ERBB4: variants seen among roughly 807,000 people sequenced by gnomAD.
The protein encoded by ERBB4 is erb-b2 receptor tyrosine kinase 4.
In ERBB4, 42 loss-of-function variants were observed where a neutral mutation model predicts 158.0. The ratio of observed to expected loss-of-function variants is 0.27; its 90% CI spans 0.21 to 0.34. The LOEUF (loss-of-function observed/expected upper bound fraction) is 0.34, where lower values mean the gene tolerates loss of function less well. ERBB4 is among the 10% of genes least tolerant of loss of function. The probability of loss-of-function intolerance (pLI) is 1.00; values close to 1 mark genes in which losing one functional copy is unlikely to be tolerated. For missense variants in ERBB4, 1,333 were observed against 1,624.1 expected, an observed-to-expected ratio of 0.82 and a Z score of 3.08; for synonymous variants, 583 against 558.7, an observed-to-expected ratio of 1.04 and a Z score of -0.61.
At chr2:212,308,363 T>A (rs747479970) in intron 1 of ERBB4, among the ~76,000 whole-genome samples, 1 of 151,234 alleles carries the variant, frequency 6.6e-6, no homozygotes, top group Middle Eastern at 3.4e-3. Context: ...CACTTCATAT[T>A]ATTTAGATAC....
chr2:211,953,198 G>A (rs2080924937), intron 2 of ERBB4, among the ~76,000 whole-genome samples: 1 of 151,872 alleles, frequency 6.6e-6, no homozygotes, highest in Admixed American at 6.6e-5. Context: ...AAACAATTAT[G>A]AATTATGTCC....
At chr2:212,457,664 A>C (rs1163190074) in intron 1 of ERBB4, among the ~76,000 whole-genome samples, 1 of 152,096 alleles carries the variant, frequency 6.6e-6, no homozygotes, top group Non-Finnish European at 1.5e-5. Flanking sequence ...AACATTGTTT[A>C]AGCAACTCAG....
At chr2:211,710,454 A>G (rs2073654722) in intron 9 of ERBB4, among the ~76,000 whole-genome samples, 1 of 152,138 alleles carries the variant, frequency 6.6e-6, no homozygotes, top group African/African-American at 2.4e-5. Flanking sequence ...GCACCTAAAT[A>G]TTGTCCCAGG....
intron 2 of ERBB4, among the ~76,000 whole-genome samples, chr2:212,108,274 C>A (rs1027658570): frequency 1.3e-5 from 2 of 152,086 alleles, no homozygotes; most frequent in African/African-American, 2.4e-5. Flanking sequence ...TCAAACACTT[C>A]CCCTGTTATC....
intron 2 of ERBB4, among the ~76,000 whole-genome samples, chr2:212,026,419 C>T (rs960018935): frequency 6.6e-6 from 1 of 151,664 alleles, no homozygotes; most frequent in African/African-American, 2.4e-5. Context: ...ATACCAGAAC[C>T]TCTATAACTA....
At chr2:212,041,814 T>C (rs894461743) in intron 2 of ERBB4, among the ~76,000 whole-genome samples, 2 of 152,086 alleles carry the variant, frequency 1.3e-5, no homozygotes, top group Non-Finnish European at 2.9e-5. Flanking sequence ...AGTTGAACAA[T>C]ACGTTAATTA....
intron 20 of ERBB4, among the ~76,000 whole-genome samples, chr2:211,477,224 T>C (rs1475209160): frequency 9.9e-5 from 15 of 152,074 alleles, no homozygotes; most frequent in Admixed American, 9.8e-4. Flanking sequence ...TCCCTTGGAC[T>C]CCAGCCTGCC....
chr2:211,621,671 A>G (rs2125852108), intron 18 of ERBB4, among the ~76,000 whole-genome samples: 1 of 152,332 alleles, frequency 6.6e-6, no homozygotes, highest in South Asian at 2.1e-4. Context: ...AGACCACATT[A>G]TCTTTAAAAA....
chr2:211,577,349 G>A (rs142440736), intron 19 of ERBB4, among the ~76,000 whole-genome samples: 71 of 152,182 alleles, frequency 4.7e-4, no homozygotes, highest in African/African-American at 1.6e-3. Context: ...AAGCAAAATG[G>A]GGATTTCCTA....
chr2:211,706,550 G>A (rs1224411584), intron 9 of ERBB4, among the ~76,000 whole-genome samples: 1 of 147,658 alleles, frequency 6.8e-6, no homozygotes, highest in Non-Finnish European at 1.5e-5. Context: ...CCTGAACTTG[G>A]TTCATCAGCA....
intron 2 of ERBB4, among the ~76,000 whole-genome samples, chr2:211,968,323 T>C (rs2081358025): frequency 6.6e-6 from 1 of 152,042 alleles, no homozygotes; most frequent in East Asian, 1.9e-4. Flanking sequence ...TTCTGGATAG[T>C]GAAGCAAATG....
intron 1 of ERBB4, among the ~76,000 whole-genome samples, chr2:212,280,701 A>T (rs1574587984): frequency 6.6e-6 from 1 of 151,706 alleles, no homozygotes. Flanking sequence ...AGATTCCAGA[A>T]TAATGAAATC....
intron 13 of ERBB4, among the ~76,000 whole-genome samples, chr2:211,675,030 C>T (rs1173234110): frequency 6.6e-6 from 1 of 152,106 alleles, no homozygotes; most frequent in Non-Finnish European, 1.5e-5. Flanking sequence ...ATTTTTCCTG[C>T]TCTCAGAAAA....
intron 1 of ERBB4, among the ~76,000 whole-genome samples, chr2:212,451,603 C>A (rs181191569): frequency 1.8e-4 from 28 of 152,282 alleles, no homozygotes; most frequent in Admixed American, 1.5e-3. Flanking sequence ...AATTGACACA[C>A]ACCTAGTTTA....
chr2:212,377,611 G>C (rs1440253182), intron 1 of ERBB4, among the ~76,000 whole-genome samples: 1 of 151,932 alleles, frequency 6.6e-6, no homozygotes, highest in Non-Finnish European at 1.5e-5. Context: ...ACCTTGAACA[G>C]AGCTTCCAGG....
chr2:211,672,040 A>T (rs75605652), intron 14 of ERBB4, among the ~76,000 whole-genome samples: 3,268 of 152,178 alleles, frequency 0.021, 117 homozygotes, highest in African/African-American at 0.075. Flanking sequence ...CAAGCTAATC[A>T]TCCTTGTGGT....
intron 2 of ERBB4, among the ~76,000 whole-genome samples, chr2:212,013,339 T>C (rs912506799): frequency 6.6e-6 from 1 of 152,150 alleles, no homozygotes; most frequent in Non-Finnish European, 1.5e-5. Context: ...GCAGGGATGA[T>C]TAGTCTAGCT....
chr2:211,800,804 A>C (rs1354194650), intron 3 of ERBB4, among the ~76,000 whole-genome samples: 28 of 152,168 alleles, frequency 1.8e-4, no homozygotes. Flanking sequence ...TCAAGAATTC[A>C]GCCCACTTAA....
intron 1 of ERBB4, among the ~76,000 whole-genome samples, chr2:212,211,360 C>T (rs2082926665): frequency 6.6e-6 from 1 of 152,064 alleles, no homozygotes; most frequent in South Asian, 2.1e-4. Flanking sequence ...CTGATAACAT[C>T]CTACATAGCA....
Sources: allele counts gnomAD v4.1 joint callset (sites outside exome capture counted in the v4.1 genomes callset), GRCh38; gene constraint gnomAD v4.1.1; transcripts MANE v1.5; gene names NCBI Gene and HGNC (gene_info 2026-07-23, HGNC 2026-07-21).